Variants in GJA3 observed in about 807,000 individuals in gnomAD.
The protein encoded by GJA3 is gap junction protein alpha 3.
For synonymous variants in GJA3, 297 were observed against 292.6 expected (o/e 1.02, Z -0.15); for missense variants, 571 against 620.3 (o/e 0.92, Z 0.84).
chr13:20,155,727 T>C (rs1424940626), intron 1 of GJA3, among the ~76,000 whole-genome samples: 2 of 151,812 alleles, frequency 1.3e-5, no homozygotes, highest in South Asian at 2.1e-4. Context: ...TCATAATATA[T>C]AGAATAAATC....
At chr13:20,145,557 T>C (rs1958836841) in intron 1 of GJA3, among the ~76,000 whole-genome samples, 1 of 152,190 alleles carries the variant, frequency 6.6e-6, no homozygotes, top group Non-Finnish European at 1.5e-5. Flanking sequence ...AGGCCCCCAA[T>C]GGCATCTATG....
chr13:20,154,420 A>G (rs1958896804), intron 1 of GJA3, among the ~76,000 whole-genome samples: 1 of 152,218 alleles, frequency 6.6e-6, no homozygotes, highest in Non-Finnish European at 1.5e-5. Context: ...TTGATATTGT[A>G]TCCAGCAACC....
chr13:20,150,048 G>C (rs955524518), intron 1 of GJA3, among the ~76,000 whole-genome samples: 1 of 152,178 alleles, frequency 6.6e-6, no homozygotes, highest in African/African-American at 2.4e-5. Context: ...ACATTCTGAA[G>C]ACAAAAATAA....
At chr13:20,154,486 T>G (rs991125691) in intron 1 of GJA3, among the ~76,000 whole-genome samples, 1 of 152,248 alleles carries the variant, frequency 6.6e-6, no homozygotes, top group African/African-American at 2.4e-5. Flanking sequence ...TGTGTAGACA[T>G]AGAAATAATC....
At position 20,141,015 on chromosome 13, in the gene GJA3, A is replaced by C. The variant is rs1958803861; in HGVS notation, c.*966T>G. 6.6e-6 allele frequency: 1 copy of C among 152,266 alleles called. No individual in the cohort carries two copies. The highest frequency in any genetic ancestry group is 1.5e-5 in the Non-Finnish European group (1 of 68,048). The allele number at this position is 152,266 out of a possible 1,614,324, so 9.4% of individuals were successfully genotyped here. On this transcript the variant is annotated 3_prime_UTR_variant, in exon 2 of 2. Coordinates refer to ENST00000241125, the MANE Select transcript of GJA3 (RefSeq NM_021954.4). The stretch of plus-strand genomic sequence containing the variant: ...ATAATTAGGTGACTCATGAAATTAA[A>C]GAATTTCTTTTACAAGAAAGTTCAA...
intron 1 of GJA3, among the ~76,000 whole-genome samples, chr13:20,155,534 T>C (rs9315352): frequency 0.27 from 40,872 of 151,892 alleles, 6,945 homozygotes; most frequent in Non-Finnish European, 0.37. Context: ...CATGGCATTT[T>C]CTTATGATTT....
intron 1 of GJA3, among the ~76,000 whole-genome samples, chr13:20,148,622 ATG>A (rs1489794368): frequency 6.6e-6 from 1 of 152,162 alleles, no homozygotes; most frequent in Non-Finnish European, 1.5e-5. Context: ...AGAGTTGCAC[ATG>A]TGTCGCAGAA....
At chr13:20,154,169 G>A (rs1439415024) in intron 1 of GJA3, among the ~76,000 whole-genome samples, 3 of 152,190 alleles carry the variant, frequency 2.0e-5, no homozygotes, top group African/African-American at 7.2e-5. Flanking sequence ...GGTTTGGATT[G>A]GAAATGCAGT....
rs368890350 is a variant in GJA3 at position 20,143,028 on chromosome 13, C to T, written c.261G>A (p.Thr87=). 2.2e-4 allele frequency: 358 copies of T among 1,612,054 alleles called. No homozygotes were observed. Among genetic ancestry groups the T allele is most frequent in the Admixed American group, 1.0e-3 (62 of 59,672 alleles). ...CGTGGCCCAGGTAGATGAGGGTGGG[C>T]GTGGACACGAAGATGATCTGCAGCG... ...FWALQIIFVS[T]PTLIYLGHVL... The change falls in exon 2 of 2, where the codon ACG becomes ACA. Residue 87 remains threonine, a synonymous_variant. Coordinates refer to ENST00000241125, the MANE Select transcript of GJA3 (RefSeq NM_021954.4).
intron 1 of GJA3, among the ~76,000 whole-genome samples, chr13:20,157,863 A>G (rs1386291712): frequency 4.1e-5 from 6 of 145,426 alleles, no homozygotes; most frequent in Non-Finnish European, 9.3e-5. Context: ...ACTTCATCAC[A>G]AATTTGAATT....
chr13:20,138,653 T>C lies in GJA3; in HGVS notation c.*3328A>G, dbSNP rs999519137. The C allele has an allele frequency of 1.3e-5, 2 of 152,294 alleles. No individual in the cohort carries two copies. Among genetic ancestry groups the C allele is most frequent in the Non-Finnish European group, 2.9e-5 (2 of 68,028 alleles). The allele number at this position is 152,294 out of a possible 1,614,324, so 9.4% of individuals were successfully genotyped here. A position where few individuals can be genotyped will look rare whatever the true frequency, so the allele number is the denominator to read the frequency against. On this transcript the variant is annotated 3_prime_UTR_variant, in exon 2 of 2. Coordinates refer to ENST00000241125, the MANE Select transcript of GJA3 (RefSeq NM_021954.4). Reference sequence around the variant, plus strand: ...AAGGTTATTTAGGATATCCTCAATTTGTAGGGGTGGCGGGTGGTGATGGTG... The same window carrying C: ...AAGGTTATTTAGGATATCCTCAATTCGTAGGGGTGGCGGGTGGTGATGGTG...
chr13:20,142,510 C>G lies in GJA3; in HGVS notation c.779G>C (p.Arg260Pro). Residue 260 changes from arginine to proline, a missense_variant, in exon 2 of 2, where the codon CGG becomes CCG. By Grantham distance (103) the Arg-to-Pro change is moderately radical (BLOSUM62 -2). Coordinates refer to ENST00000241125, the MANE Select transcript of GJA3 (RefSeq NM_021954.4). ...GAACCCGATGGCAACGGCGGGCGGC[C>G]GGGAGCTGGGGGGCAGGGGCGGGGG... ...ADPPPLPPSSRPPAVAIGFPP... is the reference protein window; with the variant it reads ...ADPPPLPPSSPPPAVAIGFPP... 1.3e-6 allele frequency: 2 copies of G among 1,546,308 alleles called. No individual in the cohort carries two copies. The highest frequency in any genetic ancestry group is 1.7e-6 in the Non-Finnish European group (2 of 1,144,882).
At chr13:20,147,586 T>C (rs1380295002) in intron 1 of GJA3, among the ~76,000 whole-genome samples, 1 of 152,206 alleles carries the variant, frequency 6.6e-6, no homozygotes, top group African/African-American at 2.4e-5. Context: ...AAAGGAAGAA[T>C]GATACTGAAA....
intron 1 of GJA3, among the ~76,000 whole-genome samples, chr13:20,143,527 G>A (rs1958825661): frequency 6.6e-6 from 1 of 151,942 alleles, no homozygotes; most frequent in Non-Finnish European, 1.5e-5. Flanking sequence ...TCAGAGAGGA[G>A]GAAGCCAGAG....
At chr13:20,154,879 C>T (rs1463476163) in intron 1 of GJA3, among the ~76,000 whole-genome samples, 1 of 152,116 alleles carries the variant, frequency 6.6e-6, no homozygotes, top group African/African-American at 2.4e-5. Flanking sequence ...GAGACAAGGC[C>T]TTGCTCTGTC....
Position 20,147,207 on chromosome 13 carries a change from T to C in GJA3, c.-17-3902A>G, listed in dbSNP as rs950681107. On this transcript the variant is annotated intron_variant, in intron 1 of 1. Transcript: ENST00000241125. ...AGCATGAATCAATAAGCACAGGGGATTGGTTAAGAGAGTCGTAGGTCACCT... is the reference window on the plus strand; with the variant it reads ...AGCATGAATCAATAAGCACAGGGGACTGGTTAAGAGAGTCGTAGGTCACCT... 5.9e-5 allele frequency among the ~76,000 whole-genome samples: 9 copies of C among 152,292 alleles called. No homozygotes were observed. The East Asian group carries it at 1.7e-3, about 29-fold the overall frequency.
chr13:20,157,413 C>T lies in GJA3; in HGVS notation c.-18+3477G>A, dbSNP rs748644043. ...ATCCTTCAGGAACCTTACTCATTAT[C>T]GACAGAAGAAATATGGAATCTTAGC... On this transcript the variant is annotated intron_variant, in intron 1 of 1. Coordinates refer to ENST00000241125, the MANE Select transcript of GJA3 (RefSeq NM_021954.4). Among the ~76,000 whole-genome samples, 3 of 152,156 alleles carry T rather than the reference C, an allele frequency of 2.0e-5. No homozygotes were observed. In the South Asian group the frequency reaches 6.2e-4, roughly 32 times the overall value.
intron 1 of GJA3, among the ~76,000 whole-genome samples, chr13:20,147,426 C>T (rs1958849420): frequency 6.6e-6 from 1 of 152,144 alleles, no homozygotes; most frequent in African/African-American, 2.4e-5. Context: ...TCATTTATAA[C>T]CACTAAAATA....
At chr13:20,152,300 A>G (rs1958882956) in intron 1 of GJA3, among the ~76,000 whole-genome samples, 1 of 59,320 alleles carries the variant, frequency 1.7e-5, no homozygotes, top group East Asian at 5.0e-4. Flanking sequence ...TGCAAGTTTT[A>G]GTTAAGTCTC....
Sources: gnomAD v4.1 joint callset for allele counts (sites outside exome capture counted in the v4.1 genomes callset) on GRCh38, gnomAD v4.1.1 for gene constraint, MANE v1.5 for transcripts, NCBI Gene and HGNC (gene_info 2026-07-23, HGNC 2026-07-21) for gene names.